Variants in F10 observed in about 807,000 individuals in gnomAD.
F10 encodes coagulation factor X, also known as Stuart-Prower factor.
In F10, 29 loss-of-function variants were observed where a neutral mutation model predicts 37.1. That is an observed-to-expected ratio of 0.78 (90% CI 0.58 to 1.07). The LOEUF is 1.07. Among genes scored for constraint, F10 ranks in the 50% least tolerant of loss-of-function variants. The probability of loss-of-function intolerance (pLI) is 0.00; values close to 1 mark genes in which losing one functional copy is unlikely to be tolerated. For missense variants in F10, 539 were observed against 667.9 expected, an observed-to-expected ratio of 0.81 and a Z score of 2.13; for synonymous variants, 262 against 268.6, an observed-to-expected ratio of 0.98 and a Z score of 0.24.
At chr13:113,129,696 G>C (rs1566915848) in intron 2 of F10, 84 bp downstream of exon 2, 1 of 1,573,844 alleles carries the variant, frequency 6.4e-7, no homozygotes, top group Non-Finnish European at 8.7e-7. Context: ...TCCATCCAGG[G>C]GGGCGGCCTG....
At chr13:113,129,727 G>C (rs149826553) in intron 2 of F10, 115 bp downstream of exon 2, 1 of 1,415,316 alleles carries the variant, frequency 7.1e-7, no homozygotes, top group Non-Finnish European at 9.9e-7. Flanking sequence ...CAGCGTGCGC[G>C]AAGGCTTTCA....
intron 1 of F10, among the ~76,000 whole-genome samples, chr13:113,124,022 A>C (rs903332524): frequency 4.6e-5 from 7 of 152,180 alleles, no homozygotes; most frequent in African/African-American, 1.7e-4. Context: ...AAGGCCCTGG[A>C]AGGACCCATG....
At chr13:113,129,179 C>T (rs184489009) in intron 1 of F10, among the ~76,000 whole-genome samples, 226 of 152,274 alleles carry the variant, frequency 1.5e-3, no homozygotes, top group African/African-American at 5.1e-3. Context: ...CAGCTGTGCC[C>T]GAATTCCAAA....
intron 6 of F10, among the ~76,000 whole-genome samples, chr13:113,147,131 C>T (rs1036952258): frequency 6.6e-6 from 1 of 152,174 alleles, no homozygotes; most frequent in Non-Finnish European, 1.5e-5. Context: ...GTGTCGTGTG[C>T]ATGAGACTTT....
At chr13:113,124,890 C>T (rs1360531095) in intron 1 of F10, among the ~76,000 whole-genome samples, 1 of 152,242 alleles carries the variant, frequency 6.6e-6, no homozygotes, top group Non-Finnish European at 1.5e-5. Context: ...AGGCCTGTTT[C>T]CTGGCCTCGG....
rs925977374 is a variant in F10, at chr13:113,144,795, C to T, written c.747+700C>T. 9.2e-5 allele frequency among the ~76,000 whole-genome samples: 14 copies of T among 152,164 alleles called. No individual in the cohort carries two copies. Among genetic ancestry groups the T allele is most frequent in the Non-Finnish European group, 1.6e-4 (11 of 68,036 alleles). Reference sequence around the variant, plus strand: ...GTGTCGCGATCTCGGCTCACTGCAACCTCCACCTCCTGGGTTCAAGCGATT... The same window carrying T: ...GTGTCGCGATCTCGGCTCACTGCAATCTCCACCTCCTGGGTTCAAGCGATT... On this transcript the variant is annotated intron_variant, in intron 6 of 7. Transcript: ENST00000375559. The surrounding 1 kb of genome is among the most constrained non-coding windows in gnomAD (Gnocchi z 6.4).
intron 2 of F10, chr13:113,131,428 C>G (rs1343769337): frequency 1.3e-5 from 2 of 152,364 alleles, no homozygotes; most frequent in Admixed American, 1.3e-4. Context: ...ATCCAGATGG[C>G]TCAGAAAGCC....
intron 2 of F10, among the ~76,000 whole-genome samples, chr13:113,135,104 G>C (rs1296506693): frequency 1.3e-5 from 2 of 151,888 alleles, no homozygotes; most frequent in African/African-American, 4.8e-5. Flanking sequence ...TTAGCTGGGC[G>C]TGGTGGTGTG....
chr13:113,138,324 C>T (rs1442198358), intron 2 of F10, 133 bp from the exon 3 acceptor site: 10 of 546,160 alleles, frequency 1.8e-5, no homozygotes, highest in Non-Finnish European at 3.0e-5. Context: ...AGTTCTAGAA[C>T]AATTCATTCC....
intron 1 of F10, 128 bp downstream of exon 1, chr13:113,123,053 C>G: frequency 1.7e-6 from 2 of 1,151,282 alleles, no homozygotes; most frequent in Non-Finnish European, 2.5e-6. Flanking sequence ...AGGCTGGGCT[C>G]GGATGGCTGG....
At chr13:113,134,275 G>A (rs2138534415) in intron 2 of F10, among the ~76,000 whole-genome samples, 1 of 152,244 alleles carries the variant, frequency 6.6e-6, no homozygotes, top group African/African-American at 2.4e-5. Context: ...ATGTGAAGGG[G>A]AAAAAAGCTT....
At chr13:113,131,314 G>T (rs1205914423) in intron 2 of F10, 1 of 152,194 alleles carries the variant, frequency 6.6e-6, no homozygotes, top group East Asian at 1.9e-4. Context: ...TATTTGATTT[G>T]CCACCCTATA....
chr13:113,131,896 A>C lies in F10; in HGVS notation c.231+2284A>C, dbSNP rs534548565. 3 of 152,444 alleles carry C rather than the reference A, an allele frequency of 2.0e-5. No homozygotes were observed. The South Asian group carries it at 6.2e-4, about 32-fold the overall frequency. The allele number at this position is 152,444 out of a possible 1,614,324, so 9.4% of individuals were successfully genotyped here. A position where few individuals can be genotyped will look rare whatever the true frequency, so the allele number is the denominator to read the frequency against. ...AACCCTGGAATATGGGCTTCCGCCC[A>C]CAGCTGGTTGGAGCGTGACAATCAA... On this transcript the variant is annotated intron_variant, in intron 2 of 7. Coordinates refer to ENST00000375559, the MANE Select transcript of F10 (RefSeq NM_000504.4).
In F10 at chr13:113,141,136, G is replaced by A. The variant is rs1056128860; in HGVS notation, c.502+86G>A. ...CCCGTGCCAGGGGGTGGGGACACAG[G>A]CATGTTCTGGGCGGGCCTGGCAGGT... On this transcript the variant is annotated intron_variant, in intron 5 of 7. Transcript: ENST00000375559. The surrounding 1 kb of genome is among the most constrained non-coding windows in gnomAD (Gnocchi z 5.4). The A allele has an allele frequency of 3.4e-5, 53 of 1,581,406 alleles. No individual in the cohort carries two copies. Among genetic ancestry groups the A allele is most frequent in the African/African-American group, 2.6e-4 (19 of 74,290 alleles).
chr13:113,130,995 A>C (rs2036429128), intron 2 of F10: 1 of 152,256 alleles, frequency 6.6e-6, no homozygotes, highest in Non-Finnish European at 1.5e-5. Context: ...CCTCAAAGGC[A>C]AGGAGACCCA....
intron 4 of F10, chr13:113,140,677 G>A (rs2036519120): frequency 2.9e-6 from 2 of 686,098 alleles, no homozygotes; most frequent in Admixed American, 2.0e-5. Flanking sequence ...CCATCCCGGA[G>A]GTGTGAGGGG....
At chr13:113,138,555 G>A in intron 3 of F10, 74 bp downstream of exon 3, 1 of 967,684 alleles carries the variant, frequency 1.0e-6, no homozygotes, top group Admixed American at 1.8e-5. Context: ...AATAGTTCCT[G>A]AATTTCCTTT....
At chr13:113,123,404 G>A (rs1370559896) in intron 1 of F10, among the ~76,000 whole-genome samples, 1 of 152,218 alleles carries the variant, frequency 6.6e-6, no homozygotes, top group Non-Finnish European at 1.5e-5. Flanking sequence ...CTCTCGGACT[G>A]GCTCCGTCGG....
At chr13:113,140,467 C>T (rs2036517310) in intron 4 of F10, 1 of 468,958 alleles carries the variant, frequency 2.1e-6, no homozygotes, top group Non-Finnish European at 4.4e-6. Flanking sequence ...CATTCCATTC[C>T]AAGTCCGCAG....
Sources: allele counts gnomAD v4.1 joint callset (sites outside exome capture counted in the v4.1 genomes callset), GRCh38; gene constraint gnomAD v4.1.1; non-coding constraint Gnocchi (gnomAD v3.1); transcripts MANE v1.5; gene names NCBI Gene and HGNC (gene_info 2026-07-23, HGNC 2026-07-21).